The following ZZEF1 variants were observed in gnomAD, a reference collection of about 807,000 sequenced individuals.
The protein encoded by ZZEF1 is zinc finger ZZ-type and EF-hand domain containing 1.
ZZEF1 carries 157 observed loss-of-function variants against 342.8 expected under a neutral mutation model. The observed-to-expected ratio is 0.46, with a 90% CI of 0.40 to 0.52. ZZEF1 has a LOEUF of 0.52. ZZEF1 is among the 20% of genes least tolerant of loss of function. The probability of loss-of-function intolerance (pLI) is 0.00; values close to 1 mark genes in which losing one functional copy is unlikely to be tolerated. For missense variants in ZZEF1, 3,480 were observed against 3,725.6 expected (o/e 0.93, Z 1.72); for synonymous variants, 1,505 against 1,429.1 (o/e 1.05, Z -1.20).
At chr17:4,088,021 T>C (rs2057871423) in intron 13 of ZZEF1, among the ~76,000 whole-genome samples, 1 of 152,226 alleles carries the variant, frequency 6.6e-6, no homozygotes, top group Non-Finnish European at 1.5e-5. Context: ...ATAGGAGGTC[T>C]GAATAACGAA....
intron 40 of ZZEF1, 69 bp from the exon 41 acceptor site, chr17:4,033,071 A>ACT (rs2056584524): frequency 1.4e-6 from 2 of 1,449,020 alleles, no homozygotes; most frequent in Non-Finnish European, 1.9e-6. Context: ...AGCTCACTAC[A>ACT]CTCCAAGGCA....
At chr17:4,048,684 T>C (rs1046720395) in intron 37 of ZZEF1, among the ~76,000 whole-genome samples, 10 of 152,150 alleles carry the variant, frequency 6.6e-5, no homozygotes, top group African/African-American at 2.4e-4. Context: ...GCTACACCGA[T>C]ACAGTGTACA....
At chr17:4,133,431 C>G (rs9899108) in intron 1 of ZZEF1, among the ~76,000 whole-genome samples, 23,553 of 152,096 alleles carry the variant, frequency 0.15, 2,005 homozygotes, top group African/African-American at 0.22. Flanking sequence ...GATAACCCCT[C>G]GGGTTCCTTA....
At chr17:4,129,422 T>G (rs919539350) in intron 1 of ZZEF1, among the ~76,000 whole-genome samples, 6 of 152,052 alleles carry the variant, frequency 3.9e-5, no homozygotes, top group Non-Finnish European at 7.4e-5. Context: ...TAAAGACACA[T>G]ACACACAAAT....
intron 30 of ZZEF1, among the ~76,000 whole-genome samples, chr17:4,060,394 G>A (rs1597829819): frequency 6.6e-6 from 1 of 152,090 alleles, no homozygotes; most frequent in South Asian, 2.1e-4. Context: ...GGGAAACCCA[G>A]TGTCTAGTAA....
chr17:4,100,319 T>C (rs2058105978), intron 9 of ZZEF1, among the ~76,000 whole-genome samples: 1 of 152,224 alleles, frequency 6.6e-6, no homozygotes, highest in Non-Finnish European at 1.5e-5. Flanking sequence ...TAGATAGTGA[T>C]GGCTGGAGGG....
At chr17:4,046,425 T>C (rs1332753464) in intron 37 of ZZEF1, among the ~76,000 whole-genome samples, 1 of 152,208 alleles carries the variant, frequency 6.6e-6, no homozygotes, top group Non-Finnish European at 1.5e-5. Context: ...ATGTGCATGG[T>C]GGAGGCACCC....
rs143076033 is a variant in ZZEF1, at chr17:4,067,339, A to G, written c.4076-97T>C. On this transcript the variant is annotated intron_variant, in intron 26 of 54. Transcript: ENST00000381638. ...AATCTAAATCTGCTGAAGTACAGGA[A>G]AAGTCCTCCTGACAATCACACATTG... The G allele has an allele frequency of 2.2e-5, 20 of 920,886 alleles. No individual in the cohort carries two copies. The East Asian group carries it at 4.8e-4, about 22-fold the overall frequency. 57.0% of individuals were successfully genotyped at this position (920,886 alleles called of 1,614,324 possible). A position where few individuals can be genotyped will look rare whatever the true frequency, so the allele number is the denominator to read the frequency against.
chr17:4,058,962 G>C (rs950553810), intron 31 of ZZEF1, among the ~76,000 whole-genome samples: 4 of 151,744 alleles, frequency 2.6e-5, no homozygotes, highest in Non-Finnish European at 5.9e-5. Flanking sequence ...CCCTTAAAAA[G>C]AAAATATACA....
chr17:4,136,268 TG>T (rs2058746849), intron 1 of ZZEF1, among the ~76,000 whole-genome samples: 1 of 147,232 alleles, frequency 6.8e-6, no homozygotes, highest in South Asian at 2.2e-4. Flanking sequence ...CGCTTAAAAC[TG>T]GGAGGTGGAG....
intron 44 of ZZEF1, among the ~76,000 whole-genome samples, chr17:4,022,203 T>A (rs1430984495): frequency 6.6e-6 from 1 of 152,142 alleles, no homozygotes; most frequent in African/African-American, 2.4e-5. Context: ...GCTCACTCCC[T>A]CCTACATGAT....
chr17:4,020,756 T>A (rs9909518), intron 45 of ZZEF1, among the ~76,000 whole-genome samples: 18,425 of 152,242 alleles, frequency 0.12, 1,197 homozygotes, highest in African/African-American at 0.14. Context: ...GATTACCTAG[T>A]AAAGGTAAGA....
chr17:4,114,534 T>C, intron 3 of ZZEF1, 64 bp from the exon 4 acceptor site: 1 of 1,298,570 alleles, frequency 7.7e-7, no homozygotes, highest in Non-Finnish European at 1.0e-6. Flanking sequence ...AAAGAGTCAT[T>C]TAAAATATCT....
chr17:4,036,134 ACAG>A (rs2056657635), intron 39 of ZZEF1, among the ~76,000 whole-genome samples: 3 of 151,936 alleles, frequency 2.0e-5, no homozygotes, highest in Admixed American at 2.0e-4. Flanking sequence ...CAAAAGAAGA[ACAG>A]CAGCAGAGAT....
At chr17:4,086,270 C>T (rs571374004) in intron 15 of ZZEF1, among the ~76,000 whole-genome samples, 6 of 151,096 alleles carry the variant, frequency 4.0e-5, no homozygotes, top group Middle Eastern at 3.4e-3. Flanking sequence ...AGGGGAAACA[C>T]TCGTTTCCCA....
rs764137399 is a variant in ZZEF1, at chr17:4,142,533, G to C, written c.354+9C>G. 13 of 1,589,716 alleles carry C rather than the reference G, an allele frequency of 8.2e-6. No homozygotes were observed. Among genetic ancestry groups the C allele is most frequent in the Middle Eastern group, 1.7e-4 (1 of 6,050 alleles). ...TGCCCCATCCCCGCAGTCGCCTGCC[G>C]GCCCTGACCTCCTCGAACTGCTCGC... On this transcript the variant is annotated intron_variant, in intron 1 of 54. Coordinates refer to ENST00000381638, the MANE Select transcript of ZZEF1 (RefSeq NM_015113.4).
Position 4,032,121 on chromosome 17 carries a change from G to A in ZZEF1, c.6892+5C>T, listed in dbSNP as rs1455763074. The A allele has an allele frequency of 6.2e-7, 1 of 1,606,598 alleles. No individual in the cohort carries two copies. Among genetic ancestry groups the A allele is most frequent in the Non-Finnish European group, 8.5e-7 (1 of 1,177,908 alleles). ...TTCTTAGAAAAAAATAATTACGCAT[G>A]GTACCTGTTTTCCTCTTCCGAGTTT... On this transcript the variant is annotated splice_donor_5th_base_variant and intron_variant, in intron 42 of 54. Coordinates refer to ENST00000381638, the MANE Select transcript of ZZEF1 (RefSeq NM_015113.4).
intron 38 of ZZEF1, among the ~76,000 whole-genome samples, chr17:4,043,701 G>A (rs1316042873): frequency 6.6e-6 from 1 of 152,162 alleles, no homozygotes; most frequent in Admixed American, 6.5e-5. Flanking sequence ...CTCTACTTTA[G>A]GGCCTTTGCT....
chr17:4,122,693 T>A (rs1036124785), intron 2 of ZZEF1, among the ~76,000 whole-genome samples: 1 of 152,094 alleles, frequency 6.6e-6, no homozygotes, highest in Non-Finnish European at 1.5e-5. Context: ...CCGGCATTGC[T>A]TAATTTTAAG....
Sources: allele counts gnomAD v4.1 joint callset (sites outside exome capture counted in the v4.1 genomes callset), GRCh38; gene constraint gnomAD v4.1.1; transcripts MANE v1.5; gene names NCBI Gene and HGNC (gene_info 2026-07-23, HGNC 2026-07-21).